CBFA2T2: variants seen among roughly 807,000 people sequenced by gnomAD.
CBFA2T2 encodes the protein protein CBFA2T2.
A neutral mutation model predicts 62.2 loss-of-function variants in CBFA2T2; 11 were observed. The observed-to-expected ratio is 0.18, with a 90% CI of 0.11 to 0.29. The LOEUF (loss-of-function observed/expected upper bound fraction) is 0.29, where lower values mean the gene tolerates loss of function less well. Among genes scored for constraint, CBFA2T2 ranks in the 10% least tolerant of loss-of-function variants. The pLI, the probability that CBFA2T2 is intolerant of heterozygous loss-of-function variation, is 1.00. For synonymous variants in CBFA2T2, 295 were observed against 287.5 expected, an observed-to-expected ratio of 1.03 and a Z score of -0.27; for missense variants, 592 against 774.1, an observed-to-expected ratio of 0.76 and a Z score of 2.79.
chr20:33,504,646 A>G (rs1360516501), intron 1 of CBFA2T2, among the ~76,000 whole-genome samples: 2 of 151,692 alleles, frequency 1.3e-5, no homozygotes, highest in East Asian at 1.9e-4. Flanking sequence ...CAGGTGATCC[A>G]CCCACCTTGG....
chr20:33,606,428 T>G (rs528978191), intron 1 of CBFA2T2, among the ~76,000 whole-genome samples: 8 of 152,302 alleles, frequency 5.3e-5, no homozygotes, highest in African/African-American at 1.7e-4. Flanking sequence ...AGAAATTCAT[T>G]CTCTCACAGT....
chr20:33,512,483 C>T (rs1206455472), intron 1 of CBFA2T2, among the ~76,000 whole-genome samples: 1 of 152,174 alleles, frequency 6.6e-6, no homozygotes, highest in Non-Finnish European at 1.5e-5. Flanking sequence ...ATTAGTTTTG[C>T]TTTATTCTTT....
intron 1 of CBFA2T2, among the ~76,000 whole-genome samples, chr20:33,596,494 C>T (rs1322719364): frequency 6.6e-6 from 1 of 152,140 alleles, no homozygotes; most frequent in African/African-American, 2.4e-5. Context: ...GTGCTTACAG[C>T]CCGGTAGATT....
chr20:33,610,074 G>A (rs930827481), intron 2 of CBFA2T2, among the ~76,000 whole-genome samples: 1 of 152,154 alleles, frequency 6.6e-6, no homozygotes, highest in Non-Finnish European at 1.5e-5. Flanking sequence ...TTGAGCCCAG[G>A]AGTTTGAGAC....
chr20:33,643,831 G>GTGTA (rs1336757666), intron 10 of CBFA2T2, among the ~76,000 whole-genome samples: 4 of 94,806 alleles, frequency 4.2e-5, no homozygotes, highest in Admixed American at 1.1e-4. Context: ...TATAATGTGT[G>GTGTA]TGTGTGTGTG....
rs145933844 is a variant in CBFA2T2, at chr20:33,629,308, C to T, written c.1033-411C>T. On this transcript the variant is annotated intron_variant, in intron 7 of 10. Transcript: ENST00000342704. ...AATTATTTTGCACTCTGAAAGATAG[C>T]AGCCTTCCTCATCTCATCAAAATTC... Among the ~76,000 whole-genome samples, 48 of 152,312 alleles carry T rather than the reference C, an allele frequency of 3.2e-4. 1 individual carries two copies. The highest frequency in any genetic ancestry group is 9.1e-4 in the African/African-American group (38 of 41,568).
intron 1 of CBFA2T2, among the ~76,000 whole-genome samples, chr20:33,556,032 A>AT (rs955305587): frequency 3.9e-5 from 6 of 152,152 alleles, no homozygotes; most frequent in South Asian, 2.1e-4. Flanking sequence ...TGCCTGGCTA[A>AT]TTTTTTTTAC....
At chr20:33,596,357 G>A (rs1440750358) in intron 1 of CBFA2T2, among the ~76,000 whole-genome samples, 1 of 152,162 alleles carries the variant, frequency 6.6e-6, no homozygotes, top group Non-Finnish European at 1.5e-5. Context: ...ATACTTTGAT[G>A]AAAGCAGGTT....
chr20:33,634,343 G>A (rs2016554465), intron 8 of CBFA2T2, among the ~76,000 whole-genome samples: 1 of 151,998 alleles, frequency 6.6e-6, no homozygotes, highest in Non-Finnish European at 1.5e-5. Flanking sequence ...CTCACATTCC[G>A]GGCCCTTCTG....
chr20:33,522,814 C>G (rs956381695), intron 1 of CBFA2T2, among the ~76,000 whole-genome samples: 2 of 151,946 alleles, frequency 1.3e-5, no homozygotes, highest in South Asian at 4.1e-4. Flanking sequence ...ACAATTATAC[C>G]ATTGAGATGC....
intron 1 of CBFA2T2, among the ~76,000 whole-genome samples, chr20:33,547,687 ATG>A (rs60988030): frequency 0.12 from 16,988 of 138,874 alleles, 1,595 homozygotes; most frequent in African/African-American, 0.29. Flanking sequence ...TCTCAAAAAA[ATG>A]TGTGTGTGTG....
At chr20:33,599,092 C>T (rs1395192905) in intron 1 of CBFA2T2, among the ~76,000 whole-genome samples, 2 of 152,180 alleles carry the variant, frequency 1.3e-5, no homozygotes, top group East Asian at 3.8e-4. Context: ...GAAACTCCAT[C>T]TCTACTAAAA....
intron 1 of CBFA2T2, among the ~76,000 whole-genome samples, chr20:33,520,666 G>C (rs1282479436): frequency 1.3e-5 from 2 of 152,008 alleles, no homozygotes; most frequent in Non-Finnish European, 2.9e-5. Flanking sequence ...AGCTACTTGG[G>C]AGGTTGAGCC....
intron 1 of CBFA2T2, among the ~76,000 whole-genome samples, chr20:33,599,671 C>T (rs1428668685): frequency 1.3e-5 from 2 of 152,008 alleles, no homozygotes; most frequent in Non-Finnish European, 2.9e-5. Flanking sequence ...TCACCGCAAC[C>T]TCCACCTCCC....
rs780408265 is a variant in CBFA2T2, at chr20:33,647,312, TTCTC to T, written c.*2670_*2673del. 4.6e-5 allele frequency: 7 copies of T among 152,240 alleles called. No homozygotes were observed. Among genetic ancestry groups the T allele is most frequent in the African/African-American group, 1.4e-4 (6 of 41,434 alleles). The allele number at this position is 152,240 out of a possible 1,614,324, so 9.4% of individuals were successfully genotyped here. On this transcript the variant is annotated 3_prime_UTR_variant, in exon 11 of 11. Transcript: ENST00000342704. ...TGTTTGTTTGTTTTGAGACGGGAGT[TTCTC>T]TCTTGTCTCCCAGGCTGGAGTGCAA...
At chr20:33,586,352 GT>G in intron 1 of CBFA2T2, among the ~76,000 whole-genome samples, 1 of 152,112 alleles carries the variant, frequency 6.6e-6, no homozygotes, top group East Asian at 1.9e-4. Flanking sequence ...GTTCAGGCTG[GT>G]CTTAACTCCT....
chr20:33,549,557 C>G (rs1309244986), intron 1 of CBFA2T2, among the ~76,000 whole-genome samples: 1 of 152,060 alleles, frequency 6.6e-6, no homozygotes, highest in African/African-American at 2.4e-5. Flanking sequence ...TTTATAGGGA[C>G]AGTGAAAGCA....
intron 1 of CBFA2T2, among the ~76,000 whole-genome samples, chr20:33,594,829 T>C (rs779051429): frequency 2.0e-5 from 3 of 152,162 alleles, no homozygotes; most frequent in Non-Finnish European, 4.4e-5. Context: ...TCGATTTTGA[T>C]TGTGGTAGGG....
Position 33,644,800 on chromosome 20 carries a change from C to A in CBFA2T2, c.*154C>A. 1.3e-6 allele frequency: 1 copy of A among 770,508 alleles called. No homozygotes were observed. 47.7% of individuals were successfully genotyped at this position (770,508 alleles called of 1,614,324 possible). On this transcript the variant is annotated 3_prime_UTR_variant, in exon 11 of 11. Transcript: ENST00000342704. ...TCCAAGCCTGAATAATAACACCCCACAGCCTCTCTGTGCACTTGCTGTCTG... is the reference window on the plus strand; with the variant it reads ...TCCAAGCCTGAATAATAACACCCCAAAGCCTCTCTGTGCACTTGCTGTCTG...
Sources: allele counts gnomAD v4.1 joint callset (sites outside exome capture counted in the v4.1 genomes callset), GRCh38; gene constraint gnomAD v4.1.1; transcripts MANE v1.5; gene names NCBI Gene and HGNC (gene_info 2026-07-23, HGNC 2026-07-21).